IGF2BP3: variants seen among roughly 807,000 people sequenced by gnomAD.
IGF2BP3 encodes insulin like growth factor 2 mRNA binding protein 3.
Under a neutral mutation model 73.8 loss-of-function variants are expected in IGF2BP3, and 9 were observed. The observed-to-expected ratio is 0.12, with a 90% confidence interval of 0.07 to 0.21. IGF2BP3 has a LOEUF of 0.21. Ranked by LOEUF, IGF2BP3 falls within the 10% of genes least tolerant of loss-of-function variation. The probability of loss-of-function intolerance (pLI) is 1.00; values close to 1 mark genes in which losing one functional copy is unlikely to be tolerated. For synonymous variants in IGF2BP3, 258 were observed against 256.7 expected (o/e 1.01, Z -0.05); for missense variants, 542 against 714.0 (o/e 0.76, Z 2.75).
chr7:23,368,071 A>G (rs1583944877), intron 3 of IGF2BP3, among the ~76,000 whole-genome samples: 2 of 152,208 alleles, frequency 1.3e-5, no homozygotes, highest in African/African-American at 4.8e-5. Context: ...AATCACATGA[A>G]AAATGCAAAG....
At chr7:23,340,458 T>C (rs936980792) in intron 10 of IGF2BP3, among the ~76,000 whole-genome samples, 3 of 152,204 alleles carry the variant, frequency 2.0e-5, no homozygotes, top group Admixed American at 1.3e-4. Flanking sequence ...ATCTGAGCCA[T>C]CTGTATTTTC....
chr7:23,432,589 A>G (rs1787712188), intron 2 of IGF2BP3, among the ~76,000 whole-genome samples: 1 of 152,166 alleles, frequency 6.6e-6, no homozygotes, highest in African/African-American at 2.4e-5. Context: ...AAAGATTTTT[A>G]TAGTCTTCAT....
intron 3 of IGF2BP3, among the ~76,000 whole-genome samples, chr7:23,396,268 G>C (rs985629525): frequency 6.6e-6 from 1 of 151,872 alleles, no homozygotes; most frequent in African/African-American, 2.4e-5. Flanking sequence ...GTAGGGGGCA[G>C]GGAGGGGTGC....
At chr7:23,407,609 CAAAA>C (rs569308741) in intron 3 of IGF2BP3, among the ~76,000 whole-genome samples, 4 of 89,624 alleles carry the variant, frequency 4.5e-5, no homozygotes, top group Admixed American at 1.2e-4. Flanking sequence ...ACTCTGTCTC[CAAAA>C]AAAAAAAAAA....
At chr7:23,334,644 C>G (rs1261032021) in intron 10 of IGF2BP3, among the ~76,000 whole-genome samples, 3 of 152,166 alleles carry the variant, frequency 2.0e-5, no homozygotes, top group Non-Finnish European at 4.4e-5. Flanking sequence ...AAGCTGCTTC[C>G]CAATGGATTT....
chr7:23,391,969 A>G (rs951771036), intron 3 of IGF2BP3, among the ~76,000 whole-genome samples: 9 of 152,240 alleles, frequency 5.9e-5, no homozygotes, highest in African/African-American at 2.2e-4. Flanking sequence ...AAAACTGAAA[A>G]TCGAACAACC....
chr7:23,460,746 T>A (rs1225801393), intron 2 of IGF2BP3, among the ~76,000 whole-genome samples: 1 of 151,306 alleles, frequency 6.6e-6, no homozygotes, highest in Non-Finnish European at 1.5e-5. Context: ...GGTCAGGGGT[T>A]CAAGACCATT....
At chr7:23,317,764 G>T in intron 11 of IGF2BP3, 51 bp from the exon 12 acceptor site, 1 of 1,425,254 alleles carries the variant, frequency 7.0e-7, no homozygotes, top group Non-Finnish European at 9.9e-7. Flanking sequence ...TCACTGATAG[G>T]CATCTTGGGC....
intron 3 of IGF2BP3, among the ~76,000 whole-genome samples, chr7:23,391,292 G>A (rs1029337427): frequency 6.6e-6 from 1 of 151,720 alleles, no homozygotes; most frequent in African/African-American, 2.4e-5. Flanking sequence ...TAGAGACATG[G>A]TTTAGCCACA....
chr7:23,470,128 T>TA lies in IGF2BP3; in HGVS notation c.-19dup, dbSNP rs551427723. The TA allele has an allele frequency of 1.1e-3, 1,764 of 1,540,594 alleles. 1 individual carries two copies. Among genetic ancestry groups the TA allele is most frequent in the Non-Finnish European group, 1.1e-3 (1,254 of 1,139,432 alleles). On this transcript the variant is annotated 5_prime_UTR_variant, in exon 1 of 15. Coordinates refer to ENST00000258729, the MANE Select transcript of IGF2BP3 (RefSeq NM_006547.3). Reference sequence around the variant, plus strand: ...TTGTTCATTGTGAAGAGTGGTTGTTTAAAAAAAAATAACGAGAAAAAACGA... The same window carrying TA: ...TTGTTCATTGTGAAGAGTGGTTGTTTAAAAAAAAAATAACGAGAAAAAACGA...
rs1426796688 is a variant in IGF2BP3, at chr7:23,468,552, C to T, written c.176-10G>A. The T allele has an allele frequency of 1.9e-6, 3 of 1,614,046 alleles. No individual in the cohort carries two copies. Among genetic ancestry groups the T allele is most frequent in the Admixed American group, 1.7e-5 (1 of 60,014 alleles). On this transcript the variant is annotated splice_polypyrimidine_tract_variant and intron_variant, in intron 1 of 14. Coordinates refer to ENST00000258729, the MANE Select transcript of IGF2BP3 (RefSeq NM_006547.3). ...TGCAGTTCTATTTTACCTGCGGACA[C>T]ACAAGAAGTGAGACGGTCGGCCGAG...
intron 10 of IGF2BP3, among the ~76,000 whole-genome samples, chr7:23,327,088 T>A (rs1402619573): frequency 1.3e-5 from 2 of 151,554 alleles, no homozygotes; most frequent in Non-Finnish European, 2.9e-5. Flanking sequence ...ATTAATTAAT[T>A]AATTAAAAAA....
rs76708285 is a variant in IGF2BP3 at position 23,363,593 on chromosome 7, C to T, written c.286-1852G>A. 6.5e-3 allele frequency among the ~76,000 whole-genome samples: 983 copies of T among 152,140 alleles called. 15 individuals carry two copies. The highest frequency in any genetic ancestry group is 0.022 in the African/African-American group (919 of 41,502). ...AATACCTATTTATGAGTGAAATGCC[C>T]TTTATTTTTATTTGGTAAATTTCCT... On this transcript the variant is annotated intron_variant, in intron 3 of 14. Transcript: ENST00000258729.
intron 9 of IGF2BP3, among the ~76,000 whole-genome samples, chr7:23,342,699 A>C (rs574019730): frequency 1.3e-5 from 2 of 152,320 alleles, no homozygotes; most frequent in East Asian, 3.9e-4. Context: ...GCAAGTAAAC[A>C]TATCACTGGA....
At chr7:23,360,673 T>C (rs533993958) in intron 5 of IGF2BP3, among the ~76,000 whole-genome samples, 1 of 152,230 alleles carries the variant, frequency 6.6e-6, no homozygotes, top group Non-Finnish European at 1.5e-5. Flanking sequence ...GCTGAGCTCC[T>C]ACTCTTGCAG....
At chr7:23,365,785 T>G (rs960752652) in intron 3 of IGF2BP3, 6 of 152,492 alleles carry the variant, frequency 3.9e-5, no homozygotes, top group African/African-American at 1.4e-4. Flanking sequence ...GGAGATGTGT[T>G]CACTGACATG....
intron 3 of IGF2BP3, among the ~76,000 whole-genome samples, chr7:23,398,374 T>C (rs149109988): frequency 0.016 from 2,368 of 152,306 alleles, 79 homozygotes; most frequent in African/African-American, 0.055. Flanking sequence ...AATAAACATA[T>C]GTGTGCATGT....
intron 2 of IGF2BP3, among the ~76,000 whole-genome samples, chr7:23,447,682 G>A (rs1788098556): frequency 6.6e-6 from 1 of 152,044 alleles, no homozygotes; most frequent in South Asian, 2.1e-4. Context: ...GATTAAAAGA[G>A]ACCAAACAGG....
chr7:23,417,725 G>C (rs1335256728), intron 3 of IGF2BP3, among the ~76,000 whole-genome samples: 1 of 152,108 alleles, frequency 6.6e-6, no homozygotes. Flanking sequence ...TACAACACTT[G>C]AGGACCTATC....
Sources: allele counts gnomAD v4.1 joint callset (sites outside exome capture counted in the v4.1 genomes callset), GRCh38; gene constraint gnomAD v4.1.1; transcripts MANE v1.5; gene names NCBI Gene and HGNC (gene_info 2026-07-23, HGNC 2026-07-21).